The following ADRM1 variants were observed in gnomAD, a reference collection of about 807,000 sequenced individuals.
The protein encoded by ADRM1 is ADRM1 26S proteasome ubiquitin receptor, also known as proteasomal ubiquitin receptor ADRM1.
Under a neutral mutation model 40.1 loss-of-function variants are expected in ADRM1, and 2 were observed. That is an observed-to-expected ratio of 0.05 (90% CI 0.02 to 0.16). The LOEUF (loss-of-function observed/expected upper bound fraction) is 0.16. Among genes scored for constraint, ADRM1 ranks in the 10% least tolerant of loss-of-function variants. The probability of loss-of-function intolerance (pLI) is 1.00; values close to 1 mark genes in which losing one functional copy is unlikely to be tolerated. For synonymous variants in ADRM1, 287 were observed against 240.4 expected (o/e 1.19, Z -1.79); for missense variants, 467 against 552.5 (o/e 0.85, Z 1.55).
intron 5 of ADRM1, 34 bp downstream of exon 5, chr20:62,306,768 C>G (rs764753738): frequency 1.3e-6 from 2 of 1,561,724 alleles, no homozygotes; most frequent in Non-Finnish European, 1.7e-6. Context: ...CGGGCAGCTT[C>G]TGCTGGGAAT....
rs138002030 is a variant in ADRM1 at position 62,305,751 on chromosome 20, C to T, written c.331-446C>T. The T allele has an allele frequency of 2.7e-3, 543 of 200,374 alleles. 2 individuals are homozygous for T. Among genetic ancestry groups the T allele is most frequent in the Non-Finnish European group, 4.5e-3 (432 of 95,720 alleles). The allele number at this position is 200,374 out of a possible 1,614,324, so 12.4% of individuals were successfully genotyped here. On this transcript the variant is annotated intron_variant, in intron 3 of 9. Coordinates refer to ENST00000253003, the MANE Select transcript of ADRM1 (RefSeq NM_007002.4). ...TGATCTGTGCACATGTGTGTGCACA[C>T]GCGTGTGCTCGATTGTGAGCGCCTG...
intron 2 of ADRM1, 77 bp downstream of exon 2, chr20:62,303,858 G>A: frequency 6.7e-7 from 1 of 1,483,804 alleles, no homozygotes; most frequent in Non-Finnish European, 9.2e-7. Flanking sequence ...AGTTCGCGGT[G>A]GGGGCTTGGC....
intron 3 of ADRM1, among the ~76,000 whole-genome samples, chr20:62,304,791 A>G (rs769032288): frequency 2.0e-5 from 3 of 152,210 alleles, no homozygotes; most frequent in Admixed American, 1.3e-4. Flanking sequence ...GCTGCGGGCA[A>G]CCGATTGCGG....
chr20:62,303,462 G>T, intron 1 of ADRM1, 106 bp from the exon 2 acceptor site: 1 of 1,186,746 alleles, frequency 8.4e-7, no homozygotes. Context: ...GCCTTAGGCA[G>T]CTCTGGGCGC....
intron 3 of ADRM1, chr20:62,305,820 C>A (rs1278355162): frequency 8.2e-6 from 2 of 244,368 alleles, no homozygotes; most frequent in South Asian, 5.6e-5. Context: ...CAGTTCGCTG[C>A]CTTCCACTGG....
Position 62,303,603 on chromosome 20 carries a change from T to G in ADRM1, c.35T>G (p.Val12Gly), listed in dbSNP as rs775922708. 2 of 1,601,292 alleles carry G rather than the reference T, an allele frequency of 1.2e-6. No homozygotes were observed. The highest frequency in any genetic ancestry group is 8.5e-7 in the Non-Finnish European group (1 of 1,174,732). The part of the protein sequence containing the change: ...TTSGALFPSL[V>G]PGSRGASNKY... ...TCAGGCGCGCTCTTTCCAAGCCTGGTGCCAGGCTCTCGGGGCGCCTCCAAC... is the reference window on the plus strand; with the variant it reads ...TCAGGCGCGCTCTTTCCAAGCCTGGGGCCAGGCTCTCGGGGCGCCTCCAAC... Residue 12 changes from valine (V) to glycine (G), a missense_variant, in exon 2 of 10, where the codon GTG becomes GGG. By Grantham distance (109) the Val-to-Gly change is moderately radical. This residue lies in a region of ADRM1 where 33 missense variants were observed against 28.8 expected (regional missense o/e 1.15). Coordinates refer to ENST00000253003, the MANE Select transcript of ADRM1 (RefSeq NM_007002.4).
chr20:62,304,689 C>A, intron 3 of ADRM1, 112 bp downstream of exon 3: 1 of 1,048,486 alleles, frequency 9.5e-7, no homozygotes, highest in Non-Finnish European at 1.5e-6. Flanking sequence ...CCGGCCACAC[C>A]CGGCCACACG....
Position 62,304,514 on chromosome 20 carries a change from C to A in ADRM1, c.267C>A (p.Pro89=). Residue 89 remains proline, a synonymous_variant, in exon 3 of 10, where the codon CCC becomes CCA. Coordinates refer to ENST00000253003, the MANE Select transcript of ADRM1 (RefSeq NM_007002.4). ...DCEFKRVPQC[P]SGRVYVLKFK... is the part of the protein sequence containing the mutation. ...AGTTCAAGCGGGTGCCGCAGTGCCCCAGCGGGAGGGTCTACGTGCTGAAGT... is the reference window on the plus strand; with the variant it reads ...AGTTCAAGCGGGTGCCGCAGTGCCCAAGCGGGAGGGTCTACGTGCTGAAGT... 1 of 1,613,966 alleles carries A rather than the reference C, an allele frequency of 6.2e-7. No individual in the cohort carries two copies.
intron 2 of ADRM1, 64 bp from the exon 3 acceptor site, chr20:62,304,397 C>G (rs1414894468): frequency 1.4e-6 from 2 of 1,420,566 alleles, no homozygotes; most frequent in Non-Finnish European, 2.0e-6. Flanking sequence ...TCAGTACGCT[C>G]TCCTGAGACT....
intron 5 of ADRM1, 81 bp from the exon 6 acceptor site, chr20:62,307,290 C>T (rs549148477): frequency 2.2e-6 from 3 of 1,361,888 alleles, no homozygotes; most frequent in African/African-American, 2.9e-5. Flanking sequence ...GGAATTCCTG[C>T]TCCTCTGGCC....
chr20:62,307,342 C>T, intron 5 of ADRM1, 29 bp from the exon 6 acceptor site: 1 of 1,591,600 alleles, frequency 6.3e-7, no homozygotes, highest in Non-Finnish European at 8.5e-7. Flanking sequence ...AGAGGGCATC[C>T]TGAGCTCGCA....
At chr20:62,304,826 A>C (rs748224088) in intron 3 of ADRM1, among the ~76,000 whole-genome samples, 28 of 152,338 alleles carry the variant, frequency 1.8e-4, no homozygotes, top group Non-Finnish European at 2.8e-4. Context: ...GCAGACAGAC[A>C]TGCTGGCCCT....
Position 62,303,703 on chromosome 20 carries a change from G to A in ADRM1, c.135G>A (p.Gly45=), listed in dbSNP as rs1984457532. The A allele has an allele frequency of 4.3e-6, 7 of 1,612,560 alleles. No individual in the cohort carries two copies. Among genetic ancestry groups the A allele is most frequent in the Non-Finnish European group, 5.9e-6 (7 of 1,179,992 alleles). The change falls in exon 2 of 10, where the codon GGG becomes GGA. Residue 45 remains glycine (G), a synonymous_variant. Transcript: ENST00000253003. ...CCGTGACTCCGGATAAGCGGAAAGG[G>A]CTGGTGTACATTCAGCAGACGGACG... is the stretch of plus-strand genomic sequence containing the variant. ...GTTVTPDKRK[G]LVYIQQTDDS...
In ADRM1 at chr20:62,307,824, G is replaced by A. The variant is rs1438517733; in HGVS notation, c.852G>A (p.Gln284=). 1 of 1,603,966 alleles carries A rather than the reference G, an allele frequency of 6.2e-7. No homozygotes were observed. Among genetic ancestry groups the A allele is most frequent in the Admixed American group, 1.7e-5 (1 of 58,886 alleles). The change falls in exon 7 of 10, where the codon CAG becomes CAA. Residue 284 remains glutamine, a synonymous_variant. Transcript: ENST00000253003. Reference sequence around the variant, plus strand: ...TACCAGCCGGGCCAGCAGGCGGCCAGCAAGGTAACGTGTGCTGTCGCCTGG... The same window carrying A: ...TACCAGCCGGGCCAGCAGGCGGCCAACAAGGTAACGTGTGCTGTCGCCTGG... ...MNVPAGPAGG[Q]QVDLASVLTP...
intron 5 of ADRM1, among the ~76,000 whole-genome samples, chr20:62,307,149 T>C (rs560449907): frequency 6.6e-6 from 1 of 152,292 alleles, no homozygotes; most frequent in Non-Finnish European, 1.5e-5. Flanking sequence ...TCTAAGCACA[T>C]GAATTGTGTA....
At chr20:62,307,881 C>T in intron 7 of ADRM1, 53 bp downstream of exon 7, 1 of 1,559,106 alleles carries the variant, frequency 6.4e-7, no homozygotes, top group South Asian at 1.2e-5. Flanking sequence ...CCTGCTGACC[C>T]TCGCACGCTC....
Position 62,308,010 on chromosome 20 carries a change from T to C in ADRM1, c.857-11T>C. The stretch of plus-strand genomic sequence containing the variant: ...TGTCATCGAGCTGATGGCCGTGTTC[T>C]TGTGCCCCAGTGGACCTGGCCAGTG... On this transcript the variant is annotated splice_polypyrimidine_tract_variant and intron_variant, in intron 7 of 9. Coordinates refer to ENST00000253003, the MANE Select transcript of ADRM1 (RefSeq NM_007002.4). 1 of 1,604,956 alleles carries C rather than the reference T, an allele frequency of 6.2e-7. No homozygotes were observed. The highest frequency in any genetic ancestry group is 8.5e-7 in the Non-Finnish European group (1 of 1,174,872).
intron 3 of ADRM1, chr20:62,305,773 C>T (rs191853901): frequency 1.2e-4 from 24 of 203,326 alleles, no homozygotes; most frequent in African/African-American, 5.2e-4. Flanking sequence ...ATTGTGAGCG[C>T]CTGCCGTGGC....
rs770895009 is a variant in ADRM1 at position 62,307,702 on chromosome 20, C to T, written c.730C>T (p.Pro244Ser). 5.6e-6 allele frequency: 9 copies of T among 1,612,276 alleles called. No individual in the cohort carries two copies. The East Asian group carries it at 2.0e-4, about 36-fold the overall frequency. Residue 244 changes from proline (P) to serine (S), a missense_variant, in exon 7 of 10, where the codon CCC becomes TCC. Pro to Ser is a moderately conservative substitution (Grantham distance 74). This residue lies in a region of ADRM1 where 418 missense variants were observed against 474.6 expected (regional missense o/e 0.88). Coordinates refer to ENST00000253003, the MANE Select transcript of ADRM1 (RefSeq NM_007002.4). Reference protein sequence around the residue: ...PAAASATSPSPAPSSGNGAST... With the variant: ...PAAASATSPSSAPSSGNGAST... The stretch of plus-strand genomic sequence containing the variant: ...AGCTGCCTCAGCAACTAGCCCGAGC[C>T]CCGCGCCCAGTTCCGGGAATGGAGC...
Sources: allele counts gnomAD v4.1 joint callset (sites outside exome capture counted in the v4.1 genomes callset), GRCh38; gene constraint gnomAD v4.1.1; regional missense constraint gnomAD v4.1.1; transcripts MANE v1.5; gene names NCBI Gene and HGNC (gene_info 2026-07-23, HGNC 2026-07-21).